The following WDFY3 variants were observed in gnomAD, a reference collection of about 807,000 sequenced individuals.
WDFY3 encodes the protein WD repeat and FYVE domain-containing protein 3.
A neutral mutation model predicts 409.6 loss-of-function variants in WDFY3; 66 were observed. The ratio of observed to expected loss-of-function variants is 0.16; its 90% CI spans 0.13 to 0.20. The LOEUF (loss-of-function observed/expected upper bound fraction) is 0.20, where lower values mean the gene tolerates loss of function less well. WDFY3 is among the 10% of genes least tolerant of loss of function. The pLI is 1.00. For synonymous variants in WDFY3, 1,521 were observed against 1,537.1 expected, an observed-to-expected ratio of 0.99 and a Z score of 0.25; for missense variants, 3,031 against 4,298.1, an observed-to-expected ratio of 0.71 and a Z score of 8.24.
intron 36 of WDFY3, 76 bp from the exon 37 acceptor site, chr4:84,743,875 T>TA (rs1738871914): frequency 6.4e-6 from 6 of 932,486 alleles, no homozygotes; most frequent in Non-Finnish European, 9.0e-6. Context: ...TTACATTACC[T>TA]AATATATTAA....
At chr4:84,834,718 G>C (rs1408783889) in intron 7 of WDFY3, among the ~76,000 whole-genome samples, 1 of 152,122 alleles carries the variant, frequency 6.6e-6, no homozygotes, top group African/African-American at 2.4e-5. Flanking sequence ...TGTTACAAAA[G>C]TCCAACCAAG....
At chr4:84,713,524 G>C (rs939769612) in intron 50 of WDFY3, among the ~76,000 whole-genome samples, 1 of 152,092 alleles carries the variant, frequency 6.6e-6, no homozygotes, top group Non-Finnish European at 1.5e-5. Flanking sequence ...AGGAGTTTTG[G>C]GTTACCAATC....
At chr4:84,862,366 C>T (rs895999949) in intron 3 of WDFY3, among the ~76,000 whole-genome samples, 9 of 152,314 alleles carry the variant, frequency 5.9e-5, no homozygotes, top group African/African-American at 2.2e-4. Flanking sequence ...AGGCAAAGGG[C>T]TGGGGGGAGC....
At chr4:84,679,777 G>C (rs1447484269) in intron 64 of WDFY3, among the ~76,000 whole-genome samples, 1 of 150,716 alleles carries the variant, frequency 6.6e-6, no homozygotes, top group African/African-American at 2.4e-5. Context: ...TGCCTCCTGA[G>C]TTCTTGAAAT....
At chr4:84,915,984 A>G (rs1416027347) in intron 2 of WDFY3, among the ~76,000 whole-genome samples, 1 of 152,200 alleles carries the variant, frequency 6.6e-6, no homozygotes, top group Non-Finnish European at 1.5e-5. Context: ...CTTAGTCCTG[A>G]AATTATATTT....
At chr4:84,803,129 G>C in intron 16 of WDFY3, 161 bp downstream of exon 16, 4 of 699,710 alleles carry the variant, frequency 5.7e-6, no homozygotes, top group Non-Finnish European at 8.7e-6. Flanking sequence ...CATTTATCAT[G>C]AAAGGTAACA....
chr4:84,682,387 T>A lies in WDFY3; in HGVS notation c.9810A>T (p.Pro3270=). Residue 3270 remains proline, a synonymous_variant, in exon 64 of 68, where the codon CCA becomes CCT. Transcript: ENST00000295888. ...AEVLEMQEDC[P]EAQIGQEAQD... is the part of the protein sequence containing the mutation. Reference sequence around the variant, plus strand: ...AGTATTAAATACCTATTTGTGCTTCTGGACAGTCTTCCTGCATTTCTAGGA... The same window carrying A: ...AGTATTAAATACCTATTTGTGCTTCAGGACAGTCTTCCTGCATTTCTAGGA... 1 of 1,613,818 alleles carries A rather than the reference T, an allele frequency of 6.2e-7. No individual in the cohort carries two copies. The highest frequency in any genetic ancestry group is 1.1e-5 in the South Asian group (1 of 91,008).
intron 22 of WDFY3, 59 bp downstream of exon 22, chr4:84,789,667 A>T: frequency 7.4e-7 from 1 of 1,346,056 alleles, no homozygotes; most frequent in Admixed American, 1.9e-5. Flanking sequence ...ACACACACAC[A>T]CACCCCCCAA....
At chr4:84,904,903 C>T (rs1216204292) in intron 2 of WDFY3, among the ~76,000 whole-genome samples, 2 of 152,344 alleles carry the variant, frequency 1.3e-5, no homozygotes, top group African/African-American at 4.8e-5. Flanking sequence ...CTTTGGGAGG[C>T]CAAGGCAGGC....
chr4:84,885,387 C>T (rs961892611), intron 3 of WDFY3, among the ~76,000 whole-genome samples: 2 of 150,262 alleles, frequency 1.3e-5, no homozygotes, highest in African/African-American at 4.9e-5. Context: ...CACGTAAGAA[C>T]TCTAACAGGA....
At chr4:84,924,345 A>T (rs1769697966) in intron 2 of WDFY3, among the ~76,000 whole-genome samples, 1 of 152,190 alleles carries the variant, frequency 6.6e-6, no homozygotes, top group African/African-American at 2.4e-5. Flanking sequence ...TTTCCTAGGC[A>T]TTGGCTAATT....
chr4:84,831,113 G>C (rs1755647722), intron 8 of WDFY3, among the ~76,000 whole-genome samples: 1 of 150,658 alleles, frequency 6.6e-6, no homozygotes, highest in Admixed American at 6.6e-5. Flanking sequence ...TTGAACCCGG[G>C]AGGATGGAGG....
chr4:84,891,889 C>T (rs549861928), intron 3 of WDFY3, among the ~76,000 whole-genome samples: 17 of 152,212 alleles, frequency 1.1e-4, no homozygotes, highest in African/African-American at 3.9e-4. Context: ...TCTCTCCAGG[C>T]ATTGAAAAGT....
At chr4:84,723,595 G>A (rs761145701) in intron 46 of WDFY3, among the ~76,000 whole-genome samples, 49 of 152,078 alleles carry the variant, frequency 3.2e-4, no homozygotes, top group Non-Finnish European at 8.8e-5. Flanking sequence ...CTCATTCTGT[G>A]CTAGTCATGT....
At chr4:84,789,969 A>C in intron 21 of WDFY3, 62 bp from the exon 22 acceptor site, 1 of 1,530,280 alleles carries the variant, frequency 6.5e-7, no homozygotes, top group Admixed American at 1.7e-5. Context: ...CAAATTATTC[A>C]TATCTAGATC....
intron 30 of WDFY3, among the ~76,000 whole-genome samples, 154 bp downstream of exon 30, chr4:84,772,681 T>C (rs1314384464): frequency 6.6e-6 from 1 of 152,086 alleles, no homozygotes; most frequent in Non-Finnish European, 1.5e-5. Flanking sequence ...ATAAGACAAA[T>C]ACATCAGAGA....
intron 56 of WDFY3, among the ~76,000 whole-genome samples, chr4:84,699,305 T>C (rs774845176): frequency 3.7e-4 from 56 of 152,230 alleles, no homozygotes; most frequent in Admixed American, 1.8e-3. Context: ...AATGGAAATG[T>C]ACAATATGTG....
chr4:84,741,883 A>G lies in WDFY3; in HGVS notation c.6112T>C (p.Tyr2038His), dbSNP rs764797012. 3 of 1,609,902 alleles carry G rather than the reference A, an allele frequency of 1.9e-6. No individual in the cohort carries two copies. The highest frequency in any genetic ancestry group is 1.7e-4 in the Middle Eastern group (1 of 6,036). ...ASLPITSGGS[Y>H]QVLVNNVFYF... Reference sequence around the variant, plus strand: ...AACACATTGTTCACCAATACCTGGTAGCTTCCTCCACTGGTAATAGGCAGA... The same window carrying G: ...AACACATTGTTCACCAATACCTGGTGGCTTCCTCCACTGGTAATAGGCAGA... The change falls in exon 38 of 68, where the codon TAC (tyrosine) becomes CAC (histidine). Residue 2038 changes from tyrosine to histidine, a missense_variant. Tyr to His is a moderately conservative substitution (Grantham distance 83). Around this residue, in one of 16 missense-constraint regions of WDFY3, gnomAD observed 314 missense variants for 397.4 expected, o/e 0.79. Transcript: ENST00000295888.
chr4:84,939,630 T>G (rs561139729), intron 1 of WDFY3, among the ~76,000 whole-genome samples: 3 of 152,298 alleles, frequency 2.0e-5, no homozygotes, highest in South Asian at 2.1e-4. Context: ...TTTCTAATGG[T>G]TCATAATTTA....
Sources: allele counts gnomAD v4.1 joint callset (sites outside exome capture counted in the v4.1 genomes callset), GRCh38; gene constraint gnomAD v4.1.1; regional missense constraint gnomAD v4.1.1; transcripts MANE v1.5; gene names NCBI Gene and HGNC (gene_info 2026-07-23, HGNC 2026-07-21).